Variants in FAM227B observed in about 807,000 individuals in gnomAD.
FAM227B encodes the protein protein FAM227B.
FAM227B carries 88 observed loss-of-function variants against 73.8 expected under a neutral mutation model. That is an observed-to-expected ratio of 1.19 (90% CI 1.00 to 1.42). FAM227B has a LOEUF of 1.42. FAM227B is among the 40% of genes most tolerant of loss of function. FAM227B has a pLI of 0.00. For synonymous variants in FAM227B, 210 were observed against 190.5 expected (o/e 1.10, Z -0.84); for missense variants, 632 against 590.9 (o/e 1.07, Z -0.72).
intron 13 of FAM227B, among the ~76,000 whole-genome samples, chr15:49,358,812 A>G (rs1354065962): frequency 1.3e-5 from 2 of 151,992 alleles, no homozygotes; most frequent in Non-Finnish European, 1.5e-5. Flanking sequence ...AAAGCTGGAG[A>G]CATCACACTA....
At chr15:49,334,181 T>C in intron 14 of FAM227B, 1 of 841,900 alleles carries the variant, frequency 1.2e-6, no homozygotes, top group East Asian at 1.2e-4. Flanking sequence ...CAATTAAAGA[T>C]GATCTTAAGC....
At chr15:49,492,536 T>C (rs1409232369) in intron 11 of FAM227B, among the ~76,000 whole-genome samples, 2 of 151,928 alleles carry the variant, frequency 1.3e-5, no homozygotes, top group Non-Finnish European at 2.9e-5. Flanking sequence ...CAACTAGCTA[T>C]TCATCTGTCC....
At chr15:49,444,540 A>G (rs1362245183) in intron 11 of FAM227B, among the ~76,000 whole-genome samples, 1 of 151,740 alleles carries the variant, frequency 6.6e-6, no homozygotes, top group Non-Finnish European at 1.5e-5. Context: ...GTCTAATTAC[A>G]TTCAGTTAAA....
intron 1 of FAM227B, 70 bp from the exon 2 acceptor site, chr15:49,615,313 C>G (rs1236303081): frequency 1.1e-5 from 8 of 726,080 alleles, no homozygotes; most frequent in Non-Finnish European, 2.0e-5. Flanking sequence ...CCCTCACCCA[C>G]AAACCTCACT....
intron 13 of FAM227B, among the ~76,000 whole-genome samples, 195 bp from the exon 14 acceptor site, chr15:49,335,691 G>A (rs2039584305): frequency 6.6e-6 from 1 of 152,144 alleles, no homozygotes; most frequent in Admixed American, 6.5e-5. Context: ...TTAAACTTGT[G>A]TCCCATTATC....
At chr15:49,371,831 A>C (rs2045838698) in intron 11 of FAM227B, among the ~76,000 whole-genome samples, 3 of 145,628 alleles carry the variant, frequency 2.1e-5, no homozygotes, top group Admixed American at 2.1e-4. Flanking sequence ...AAATTCACTT[A>C]TAAATAAATG....
chr15:49,521,861 C>T (rs774215904), intron 10 of FAM227B, among the ~76,000 whole-genome samples: 36 of 152,290 alleles, frequency 2.4e-4, no homozygotes, highest in Non-Finnish European at 2.8e-4. Flanking sequence ...GCAGCCCCCA[C>T]GCCATTTCTC....
intron 9 of FAM227B, among the ~76,000 whole-genome samples, chr15:49,553,813 C>T (rs916221183): frequency 3.9e-5 from 6 of 152,130 alleles, no homozygotes; most frequent in Non-Finnish European, 2.9e-5. Flanking sequence ...CTCTCTGGCC[C>T]AGGGCAGGTC....
chr15:49,584,048 A>T (rs1416507658), intron 5 of FAM227B, among the ~76,000 whole-genome samples: 1 of 152,168 alleles, frequency 6.6e-6, no homozygotes, highest in African/African-American at 2.4e-5. Context: ...AACCGGGCAG[A>T]GATAACAACA....
chr15:49,382,979 A>G (rs1183755678), intron 11 of FAM227B, among the ~76,000 whole-genome samples: 7 of 152,134 alleles, frequency 4.6e-5, no homozygotes, highest in African/African-American at 1.7e-4. Context: ...AGAAATGTAA[A>G]TCGGTTCATT....
At chr15:49,544,859 T>C (rs1189503653) in intron 9 of FAM227B, among the ~76,000 whole-genome samples, 1 of 152,238 alleles carries the variant, frequency 6.6e-6, no homozygotes. Context: ...GAAACATACT[T>C]GATCGTGGTG....
At chr15:49,410,897 T>C (rs1218868658) in intron 11 of FAM227B, among the ~76,000 whole-genome samples, 1 of 150,194 alleles carries the variant, frequency 6.7e-6, no homozygotes, top group Non-Finnish European at 1.5e-5. Context: ...AAAATTAATA[T>C]AAGAATGACC....
At chr15:49,371,161 C>G (rs2045777496) in intron 12 of FAM227B, 141 bp downstream of exon 12, 2 of 432,538 alleles carry the variant, frequency 4.6e-6, no homozygotes, top group African/African-American at 4.1e-5. Context: ...TCAAACAAAT[C>G]TCTTTTGACC....
chr15:49,373,050 A>T (rs1293104722), intron 11 of FAM227B, among the ~76,000 whole-genome samples: 4 of 152,054 alleles, frequency 2.6e-5, no homozygotes, highest in African/African-American at 9.7e-5. Flanking sequence ...AAATTTGCTC[A>T]ATTTTGAAAA....
At chr15:49,434,050 G>A (rs534253672) in intron 11 of FAM227B, among the ~76,000 whole-genome samples, 1 of 151,658 alleles carries the variant, frequency 6.6e-6, no homozygotes, top group African/African-American at 2.4e-5. Flanking sequence ...GAGAGAACTG[G>A]GGAGAAGTCA....
intron 11 of FAM227B, among the ~76,000 whole-genome samples, chr15:49,507,736 A>AC (rs1567435469): frequency 6.6e-6 from 1 of 151,806 alleles, no homozygotes; most frequent in African/African-American, 2.4e-5. Flanking sequence ...GGAAAAAAAA[A>AC]ACCCATCATA....
chr15:49,481,723 A>G lies in FAM227B; in HGVS notation c.1012+26488T>C, dbSNP rs375017332. Among the ~76,000 whole-genome samples, 671 of 152,314 alleles carry G rather than the reference A, an allele frequency of 4.4e-3. 10 individuals are homozygous for G. Among genetic ancestry groups the G allele is most frequent in the African/African-American group, 0.016 (645 of 41,568 alleles). ...CTAAAACCACAGTAGGGTTGTATGC[A>G]TTGTGATAATGCTTAATAAATATAT... is the stretch of plus-strand genomic sequence containing the variant. On this transcript the variant is annotated intron_variant, in intron 11 of 15. Transcript: ENST00000299338.
chr15:49,533,831 C>T (rs1407758644), intron 10 of FAM227B, among the ~76,000 whole-genome samples: 1 of 151,826 alleles, frequency 6.6e-6, no homozygotes, highest in East Asian at 1.9e-4. Flanking sequence ...CAGCCCCTCT[C>T]TATCTTTTGA....
At chr15:49,361,911 T>C (rs2044309278) in intron 13 of FAM227B, among the ~76,000 whole-genome samples, 1 of 152,174 alleles carries the variant, frequency 6.6e-6, no homozygotes, top group Non-Finnish European at 1.5e-5. Flanking sequence ...GAATCTGTTA[T>C]TTTTTGACTT....
Sources: gnomAD v4.1 joint callset for allele counts (sites outside exome capture counted in the v4.1 genomes callset) on GRCh38, gnomAD v4.1.1 for gene constraint, MANE v1.5 for transcripts, NCBI Gene and HGNC (gene_info 2026-07-23, HGNC 2026-07-21) for gene names.